Variants in PCSK2 observed in about 807,000 individuals in gnomAD.
PCSK2 encodes the protein neuroendocrine convertase 2.
PCSK2 carries 14 observed loss-of-function variants against 69.7 expected under a neutral mutation model. That is an observed-to-expected ratio of 0.20 (90% confidence interval 0.13 to 0.31). The LOEUF (loss-of-function observed/expected upper bound fraction) is 0.31, where lower values mean the gene tolerates loss of function less well. Among genes scored for constraint, PCSK2 ranks in the 10% least tolerant of loss-of-function variants. The pLI is 1.00. For synonymous variants in PCSK2, 307 were observed against 320.7 expected, an observed-to-expected ratio of 0.96 and a Z score of 0.46; for missense variants, 544 against 842.5, an observed-to-expected ratio of 0.65 and a Z score of 4.39.
At chr20:17,346,054 C>T (rs58825319) in intron 2 of PCSK2, among the ~76,000 whole-genome samples, 20,336 of 152,204 alleles carry the variant, frequency 0.13, 1,565 homozygotes, top group African/African-American at 0.2. Flanking sequence ...TCCAGAAGCA[C>T]ATTAATGAGG....
intron 5 of PCSK2, among the ~76,000 whole-genome samples, chr20:17,386,534 G>GT (rs1274325088): frequency 6.6e-6 from 1 of 152,080 alleles, no homozygotes; most frequent in African/African-American, 2.4e-5. Flanking sequence ...AAATAAGCTA[G>GT]TCATAAAAAG....
chr20:17,378,642 T>TG, intron 5 of PCSK2, among the ~76,000 whole-genome samples: 3 of 92,416 alleles, frequency 3.2e-5, no homozygotes, highest in African/African-American at 1.3e-4. Context: ...GATGGATGGA[T>TG]GAATGGATGG....
chr20:17,358,378 A>G lies in PCSK2; in HGVS notation c.334A>G (p.Arg112Gly). ...ATTTGACCGAAAAAAGCGAGGTTAC[A>G]GAGACATCAATGAGATCGACATCAA... ...EGFDRKKRGY[R>G]DINEIDINMN... Residue 112 changes from arginine (R) to glycine (G), a missense_variant, in exon 3 of 12, where the codon AGA (arginine) becomes GGA (glycine). Physicochemically the swap from Arg to Gly is moderately radical, Grantham distance 125. Transcript: ENST00000262545. The G allele has an allele frequency of 6.2e-7, 1 of 1,613,568 alleles. No individual in the cohort carries two copies. The highest frequency in any genetic ancestry group is 2.2e-5 in the East Asian group (1 of 44,846).
At chr20:17,407,036 C>T (rs1203389417) in intron 5 of PCSK2, among the ~76,000 whole-genome samples, 1 of 152,124 alleles carries the variant, frequency 6.6e-6, no homozygotes, top group East Asian at 1.9e-4. Context: ...CCTGACCACC[C>T]GAATGTCCTA....
At chr20:17,308,834 G>A (rs907921407) in intron 2 of PCSK2, among the ~76,000 whole-genome samples, 5 of 152,054 alleles carry the variant, frequency 3.3e-5, no homozygotes, top group Non-Finnish European at 7.4e-5. Flanking sequence ...CTTCCAGGAG[G>A]CTAGCCCGGC....
chr20:17,347,367 C>T (rs940427723), intron 2 of PCSK2, among the ~76,000 whole-genome samples: 8 of 152,270 alleles, frequency 5.3e-5, no homozygotes, highest in Admixed American at 2.6e-4. Flanking sequence ...GTTTGGATCT[C>T]GACAACCAAA....
chr20:17,262,028 A>C (rs180889368), intron 2 of PCSK2, among the ~76,000 whole-genome samples: 3 of 152,232 alleles, frequency 2.0e-5, no homozygotes, highest in African/African-American at 7.2e-5. Context: ...CAGAGAGACT[A>C]TTTAGCACCA....
intron 11 of PCSK2, among the ~76,000 whole-genome samples, chr20:17,473,762 G>A (rs1345045681): frequency 1.3e-5 from 2 of 152,152 alleles, no homozygotes; most frequent in East Asian, 1.9e-4. Flanking sequence ...TGTGAGGGGA[G>A]AATGGTGTTC....
Position 17,479,850 on chromosome 20 carries a change from G to T in PCSK2, c.1431-1734G>T, listed in dbSNP as rs113702731. Among the ~76,000 whole-genome samples the T allele has an allele frequency of 6.7e-3, 1,005 of 149,006 alleles. 13 individuals carry two copies. The highest frequency in any genetic ancestry group is 0.024 in the African/African-American group (969 of 40,706). ...CTATCCACAATGACAGTGAAACTTCGAGTGCTTAAATAACCTGCCCAAGCT... is the reference window on the plus strand; with the variant it reads ...CTATCCACAATGACAGTGAAACTTCTAGTGCTTAAATAACCTGCCCAAGCT... On this transcript the variant is annotated intron_variant, in intron 11 of 11. Transcript: ENST00000262545.
At chr20:17,402,759 C>T (rs2031668982) in intron 5 of PCSK2, among the ~76,000 whole-genome samples, 1 of 151,260 alleles carries the variant, frequency 6.6e-6, no homozygotes, top group African/African-American at 2.4e-5. Flanking sequence ...TCAAGACCAT[C>T]CTGGCTAATA....
chr20:17,418,877 G>T (rs141458535), intron 6 of PCSK2, among the ~76,000 whole-genome samples: 1,595 of 152,302 alleles, frequency 0.01, 33 homozygotes, highest in African/African-American at 0.036. Flanking sequence ...GCTGAGCAGC[G>T]ATAGGCTTGT....
At chr20:17,231,502 G>C (rs528959975) in intron 1 of PCSK2, among the ~76,000 whole-genome samples, 10 of 152,102 alleles carry the variant, frequency 6.6e-5, no homozygotes, top group Non-Finnish European at 1.5e-4. Context: ...TAGCTTTTGT[G>C]GATATTAAAG....
At chr20:17,321,890 T>G (rs933292886) in intron 2 of PCSK2, among the ~76,000 whole-genome samples, 5 of 152,264 alleles carry the variant, frequency 3.3e-5, no homozygotes, top group Middle Eastern at 3.4e-3. Context: ...AGTGAGATGG[T>G]TTTGTCAATT....
chr20:17,336,893 C>T (rs773713052), intron 2 of PCSK2, among the ~76,000 whole-genome samples: 1 of 152,146 alleles, frequency 6.6e-6, no homozygotes, highest in Non-Finnish European at 1.5e-5. Flanking sequence ...TGTCCATGTG[C>T]AAAATTGGTT....
chr20:17,445,711 A>G (rs775253180), intron 8 of PCSK2, among the ~76,000 whole-genome samples: 4 of 152,236 alleles, frequency 2.6e-5, no homozygotes, highest in Non-Finnish European at 4.4e-5. Flanking sequence ...CCTCTGGCAG[A>G]CGATGAATGC....
At position 17,464,790 on chromosome 20, in the gene PCSK2, A is replaced by G. The variant is rs111989011; in HGVS notation, c.1203-536A>G. On this transcript the variant is annotated intron_variant, in intron 10 of 11. Coordinates refer to ENST00000262545, the MANE Select transcript of PCSK2 (RefSeq NM_002594.5). ...ACATTCTATAAGTTACACCTCAATT[A>G]GTTTACTCCCTATCTTTTGGATGGC... 8.2e-3 allele frequency: 1,353 copies of G among 165,052 alleles called. 25 individuals are homozygous for G. The highest frequency in any genetic ancestry group is 0.031 in the African/African-American group (1,279 of 41,884). The allele number at this position is 165,052 out of a possible 1,614,324, so 10.2% of individuals were successfully genotyped here.
intron 11 of PCSK2, among the ~76,000 whole-genome samples, chr20:17,475,426 A>G (rs1345686210): frequency 6.6e-6 from 1 of 152,014 alleles, no homozygotes; most frequent in Non-Finnish European, 1.5e-5. Context: ...AGTCTAATCC[A>G]TATTTCTCTC....
chr20:17,371,916 C>T (rs1303959755), intron 5 of PCSK2, among the ~76,000 whole-genome samples: 1 of 152,168 alleles, frequency 6.6e-6, no homozygotes, highest in East Asian at 1.9e-4. Flanking sequence ...CCATACCATG[C>T]TAAGGAGAAC....
At chr20:17,376,455 C>G (rs564362873) in intron 5 of PCSK2, among the ~76,000 whole-genome samples, 5 of 152,230 alleles carry the variant, frequency 3.3e-5, no homozygotes, top group Non-Finnish European at 7.3e-5. Flanking sequence ...TTGAGGTGTA[C>G]CCCAGTCTGG....
Sources: allele counts gnomAD v4.1 joint callset (sites outside exome capture counted in the v4.1 genomes callset), GRCh38; gene constraint gnomAD v4.1.1; transcripts MANE v1.5; gene names NCBI Gene and HGNC (gene_info 2026-07-23, HGNC 2026-07-21).